Variants in BMP5 observed in about 807,000 individuals in gnomAD.
The protein encoded by BMP5 is bone morphogenetic protein 5.
Under a neutral mutation model 46.6 loss-of-function variants are expected in BMP5, and 23 were observed. The ratio of observed to expected loss-of-function variants is 0.49; its 90% confidence interval spans 0.35 to 0.70. The LOEUF is 0.70. Ranked by LOEUF, BMP5 falls within the 30% of genes least tolerant of loss-of-function variation. BMP5 has a pLI of 0.00. For missense variants in BMP5, 545 were observed against 565.6 expected, an observed-to-expected ratio of 0.96 and a Z score of 0.37; for synonymous variants, 204 against 191.9, an observed-to-expected ratio of 1.06 and a Z score of -0.52.
At position 55,846,328 on chromosome 6, in the gene BMP5, T is replaced by G. The variant is rs147076406; in HGVS notation, c.491-26481A>C. 2.5e-3 allele frequency among the ~76,000 whole-genome samples: 379 copies of G among 152,044 alleles called. 1 individual carries two copies. The highest frequency in any genetic ancestry group is 4.7e-3 in the Non-Finnish European group (317 of 67,894). ...GAAATATAAATATTGATTTGATAAT[T>G]TTCATTTGGTTAATATTTTATTTGG... is the stretch of plus-strand genomic sequence containing the variant. On this transcript the variant is annotated intron_variant, in intron 1 of 6. Coordinates refer to ENST00000370830, the MANE Select transcript of BMP5 (RefSeq NM_021073.4).
intron 2 of BMP5, 108 bp from the exon 3 acceptor site, chr6:55,794,535 T>C (rs1421349991): frequency 8.3e-6 from 9 of 1,080,640 alleles, no homozygotes; most frequent in Non-Finnish European, 1.4e-6. Context: ...TAACAGCAGT[T>C]AGTTAAAGAA....
At chr6:55,827,246 A>G (rs2127541035) in intron 1 of BMP5, among the ~76,000 whole-genome samples, 1 of 151,916 alleles carries the variant, frequency 6.6e-6, no homozygotes, top group Admixed American at 6.6e-5. Flanking sequence ...GTAATATAGT[A>G]GAAAATTCTA....
intron 1 of BMP5, among the ~76,000 whole-genome samples, chr6:55,849,700 G>C (rs1017308066): frequency 6.6e-6 from 1 of 152,026 alleles, no homozygotes; most frequent in East Asian, 1.9e-4. Flanking sequence ...AAGATGAAAA[G>C]CTTTTAAAAG....
intron 1 of BMP5, among the ~76,000 whole-genome samples, chr6:55,827,799 G>A (rs542032871): frequency 6.6e-6 from 1 of 151,890 alleles, no homozygotes; most frequent in East Asian, 1.9e-4. Context: ...ATGAAAAATG[G>A]TTAATGATGA....
At chr6:55,847,572 G>C (rs1021102777) in intron 1 of BMP5, among the ~76,000 whole-genome samples, 8 of 151,764 alleles carry the variant, frequency 5.3e-5, no homozygotes. Context: ...GCCAAAAAAA[G>C]TGCTATTATT....
At chr6:55,773,938 A>T in intron 4 of BMP5, 111 bp downstream of exon 4, 1 of 1,171,550 alleles carries the variant, frequency 8.5e-7, no homozygotes. Context: ...TGGAAGATTT[A>T]ATGTACCATC....
chr6:55,792,234 G>A (rs1324990209), intron 3 of BMP5, among the ~76,000 whole-genome samples: 1 of 152,064 alleles, frequency 6.6e-6, no homozygotes, highest in Admixed American at 6.6e-5. Flanking sequence ...TCTTTTTCTA[G>A]ATCAAGATTT....
intron 1 of BMP5, among the ~76,000 whole-genome samples, chr6:55,871,131 T>C (rs1777777855): frequency 6.6e-6 from 1 of 151,922 alleles, no homozygotes; most frequent in Non-Finnish European, 1.5e-5. Context: ...ATAAATATTG[T>C]AAGCAAATTA....
intron 1 of BMP5, among the ~76,000 whole-genome samples, chr6:55,853,274 CAT>C (rs1777299419): frequency 6.6e-6 from 1 of 151,382 alleles, no homozygotes; most frequent in Non-Finnish European, 1.5e-5. Context: ...TATTATTTAT[CAT>C]ATGAGTAAAT....
At chr6:55,829,164 C>T (rs1480330936) in intron 1 of BMP5, among the ~76,000 whole-genome samples, 3 of 151,770 alleles carry the variant, frequency 2.0e-5, no homozygotes, top group Admixed American at 6.6e-5. Flanking sequence ...AAGTGGCCCA[C>T]GTTTGTTTCC....
intron 3 of BMP5, among the ~76,000 whole-genome samples, chr6:55,776,788 A>T (rs1775183875): frequency 1.3e-5 from 2 of 151,958 alleles, no homozygotes; most frequent in Admixed American, 6.6e-5. Flanking sequence ...ACTTAACAAG[A>T]AGTTCCAAGT....
Position 55,874,500 on chromosome 6 carries a change from C to G in BMP5, c.366G>C (p.Gly122=). ...ARKGYPASPN[G]YPRRIQLSRT... ...GAGATAACTGTATGCGACGAGGATA[C>G]CCATTGGGAGAGGCTGGGTATCCCT... The change falls in exon 1 of 7, where the codon GGG becomes GGC. Residue 122 remains glycine (G), a synonymous_variant. Transcript: ENST00000370830. 5.0e-6 allele frequency: 8 copies of G among 1,613,366 alleles called. No homozygotes were observed. The highest frequency in any genetic ancestry group is 6.8e-6 in the Non-Finnish European group (8 of 1,179,646).
chr6:55,811,929 G>T (rs1776146252), intron 2 of BMP5, among the ~76,000 whole-genome samples: 1 of 152,134 alleles, frequency 6.6e-6, no homozygotes, highest in African/African-American at 2.4e-5. Flanking sequence ...ATTAAAGTCT[G>T]TGTGTGGCAG....
intron 2 of BMP5, among the ~76,000 whole-genome samples, chr6:55,796,765 C>A (rs1775723409): frequency 6.7e-6 from 1 of 148,894 alleles, no homozygotes; most frequent in South Asian, 2.1e-4. Flanking sequence ...GTTCTTTGTT[C>A]TTGCGATAGT....
At chr6:55,792,903 T>C (rs1380581555) in intron 3 of BMP5, among the ~76,000 whole-genome samples, 1 of 152,166 alleles carries the variant, frequency 6.6e-6, no homozygotes, top group African/African-American at 2.4e-5. Context: ...GAACCTTAAA[T>C]AAGATACGTT....
At chr6:55,806,983 G>T (rs2127533644) in intron 2 of BMP5, among the ~76,000 whole-genome samples, 1 of 152,200 alleles carries the variant, frequency 6.6e-6, no homozygotes, top group East Asian at 1.9e-4. Context: ...AGACAATGGG[G>T]TTTTCTAAAT....
chr6:55,802,946 A>G (rs1775885462), intron 2 of BMP5, among the ~76,000 whole-genome samples: 1 of 151,888 alleles, frequency 6.6e-6, no homozygotes, highest in South Asian at 2.1e-4. Flanking sequence ...AACAACATCC[A>G]AAGATGGATT....
At chr6:55,855,123 C>T (rs1251468191) in intron 1 of BMP5, among the ~76,000 whole-genome samples, 2 of 152,124 alleles carry the variant, frequency 1.3e-5, no homozygotes, top group African/African-American at 2.4e-5. Context: ...TTATGTTTCT[C>T]ATTCCTGGGA....
At chr6:55,765,893 T>A (rs1774905838) in intron 4 of BMP5, among the ~76,000 whole-genome samples, 1 of 152,150 alleles carries the variant, frequency 6.6e-6, no homozygotes, top group Admixed American at 6.5e-5. Flanking sequence ...AGCTCCTTGA[T>A]ATAAAAATCT....
Sources: allele counts gnomAD v4.1 joint callset (sites outside exome capture counted in the v4.1 genomes callset), GRCh38; gene constraint gnomAD v4.1.1; transcripts MANE v1.5; gene names NCBI Gene and HGNC (gene_info 2026-07-23, HGNC 2026-07-21).